Variants in SLC71A2 observed in about 807,000 individuals in gnomAD.
SLC71A2 encodes solute carrier family 71 member 2.
chr9:94,448,312 A>G, the SLC71A2 span, among the ~76,000 whole-genome samples: 2 of 152,020 alleles, frequency 1.3e-5, no homozygotes, highest in Admixed American at 6.6e-5. Flanking sequence ...TTTATACCCT[A>G]TTTTGTCCCC....
chr9:94,456,479 A>C, the SLC71A2 span: 2 of 613,174 alleles, frequency 3.3e-6, no homozygotes, highest in Non-Finnish European at 5.9e-6. Flanking sequence ...TTACTTTGGC[A>C]GATAGGAACA....
At chr9:94,411,500 C>A in the SLC71A2 span, among the ~76,000 whole-genome samples, 4 of 152,050 alleles carry the variant, frequency 2.6e-5, no homozygotes, top group Non-Finnish European at 5.9e-5. Context: ...ATTTCAGTGG[C>A]CATTAATGGT....
chr9:94,424,358 C>T, the SLC71A2 span, among the ~76,000 whole-genome samples: 1 of 151,978 alleles, frequency 6.6e-6, no homozygotes, highest in Non-Finnish European at 1.5e-5. Flanking sequence ...CTTTAGCCTC[C>T]TGAGTAGCTG....
the SLC71A2 span, among the ~76,000 whole-genome samples, chr9:94,406,007 C>A: frequency 6.7e-6 from 1 of 149,814 alleles, no homozygotes; most frequent in Admixed American, 6.6e-5. Context: ...AGGTCATTCA[C>A]CTTCTTCGTT....
chr9:94,451,614 G>A, the SLC71A2 span: 1 of 678,032 alleles, frequency 1.5e-6, no homozygotes, highest in South Asian at 2.4e-5. Context: ...AAAAATGCAG[G>A]AAGATATTCC....
the SLC71A2 span, among the ~76,000 whole-genome samples, chr9:94,382,186 C>G: frequency 6.6e-6 from 1 of 151,738 alleles, no homozygotes; most frequent in South Asian, 2.1e-4. Context: ...GCCACCATAC[C>G]CAGCTAATTT....
At chr9:94,455,444 G>A in the SLC71A2 span, among the ~76,000 whole-genome samples, 1 of 135,408 alleles carries the variant, frequency 7.4e-6, no homozygotes, top group Non-Finnish European at 1.5e-5. Context: ...TGAACTCCTG[G>A]GCCCAAGCAA....
At chr9:94,422,115 G>A in the SLC71A2 span, among the ~76,000 whole-genome samples, 8 of 152,098 alleles carry the variant, frequency 5.3e-5, no homozygotes, top group Admixed American at 1.3e-4. Context: ...AACTCCTGGC[G>A]TCAAGTGATT....
chr9:94,457,344 GGAA>G, the SLC71A2 span, among the ~76,000 whole-genome samples: 1 of 151,976 alleles, frequency 6.6e-6, no homozygotes, highest in Non-Finnish European at 1.5e-5. Context: ...ATTGTATTCA[GGAA>G]GAAGTAGACA....
At chr9:94,409,114 A>G in the SLC71A2 span, among the ~76,000 whole-genome samples, 2 of 137,380 alleles carry the variant, frequency 1.5e-5, no homozygotes, top group Non-Finnish European at 3.1e-5. Flanking sequence ...ATTACAGGCC[A>G]CTGCGCCCGG....
chr9:94,449,914 A>C, the SLC71A2 span, among the ~76,000 whole-genome samples: 28,311 of 152,260 alleles, frequency 0.19, 3,465 homozygotes, highest in Non-Finnish European at 0.26. Context: ...TACGTGCTAC[A>C]ACATAGGTGA....
the SLC71A2 span, among the ~76,000 whole-genome samples, chr9:94,433,882 A>G: frequency 2.0e-5 from 3 of 152,200 alleles, no homozygotes; most frequent in Admixed American, 2.0e-4. Context: ...ATGAATTCAA[A>G]ATGGAAAGTA....
At chr9:94,425,584 T>TG in the SLC71A2 span, among the ~76,000 whole-genome samples, 1 of 152,192 alleles carries the variant, frequency 6.6e-6, no homozygotes, top group Non-Finnish European at 1.5e-5. Context: ...TTTATCGATC[T>TG]GGGTGGTGCC....
At chr9:94,459,523 G>A in the SLC71A2 span, 1 of 1,132,564 alleles carries the variant, frequency 8.8e-7, no homozygotes, top group Non-Finnish European at 1.2e-6. Flanking sequence ...CATCCTTCAG[G>A]GCCAAGTTTG....
chr9:94,405,498 C>CAAA, the SLC71A2 span, among the ~76,000 whole-genome samples: 10 of 59,796 alleles, frequency 1.7e-4, no homozygotes, highest in African/African-American at 4.6e-4. Flanking sequence ...GACTCCGTCT[C>CAAA]AAAAAAAAAA....
the SLC71A2 span, among the ~76,000 whole-genome samples, chr9:94,448,025 C>T: frequency 4.6e-5 from 7 of 152,220 alleles, no homozygotes; most frequent in African/African-American, 1.7e-4. Context: ...TATCCATTCA[C>T]CCACTGAACG....
At chr9:94,404,189 A>G in the SLC71A2 span, among the ~76,000 whole-genome samples, 1 of 152,236 alleles carries the variant, frequency 6.6e-6, no homozygotes, top group African/African-American at 2.4e-5. Flanking sequence ...TAGCAGCACA[A>G]AACAGATTAA....
chr9:94,378,063 C>CACTGCACTCCAGCCTGGCGACAG, the SLC71A2 span, among the ~76,000 whole-genome samples: 8 of 151,048 alleles, frequency 5.3e-5, no homozygotes, highest in East Asian at 2.0e-4. Context: ...GAGATCGTGC[C>CACTGCACTCCAGCCTGGCGACAG]ACTGCACTCC....
the SLC71A2 span, among the ~76,000 whole-genome samples, chr9:94,442,727 G>T: frequency 2.0e-5 from 3 of 151,952 alleles, no homozygotes; most frequent in African/African-American, 7.3e-5. Flanking sequence ...GTGTGCGCTT[G>T]TAATCTCAGC....
Sources: gnomAD v4.1 joint callset for allele counts (sites outside exome capture counted in the v4.1 genomes callset) on GRCh38, gnomAD v4.1.1 for gene constraint, MANE v1.5 for transcripts, NCBI Gene and HGNC (gene_info 2026-07-23, HGNC 2026-07-21) for gene names.